IGF1: variants seen among roughly 807,000 people sequenced by gnomAD.
The protein encoded by IGF1 is insulin-like growth factor 1.
In IGF1, 4 loss-of-function variants were observed where a neutral mutation model predicts 13.8. The ratio of observed to expected loss-of-function variants is 0.29; its 90% CI spans 0.14 to 0.66. The LOEUF is 0.66. Ranked by LOEUF, IGF1 falls within the 30% of genes least tolerant of loss-of-function variation. The pLI is 0.78. For synonymous variants in IGF1, 76 were observed against 72.6 expected (o/e 1.05, Z -0.23); for missense variants, 124 against 188.5 (o/e 0.66, Z 2.00).
At chr12:102,456,768 G>A (rs1879441935) in intron 2 of IGF1, among the ~76,000 whole-genome samples, 3 of 152,012 alleles carry the variant, frequency 2.0e-5, no homozygotes, top group Admixed American at 2.0e-4. Flanking sequence ...TGTAATTCCA[G>A]TCCACAGAAA....
chr12:102,417,882 T>C (rs749357232), intron 3 of IGF1: 48 of 1,613,932 alleles, frequency 3.0e-5, no homozygotes, highest in Non-Finnish European at 3.9e-5. Context: ...CTGCTCTTTC[T>C]TCTTTCCTCT....
chr12:102,421,329 C>T (rs544261733), intron 2 of IGF1, among the ~76,000 whole-genome samples: 1 of 152,150 alleles, frequency 6.6e-6, no homozygotes, highest in Admixed American at 6.5e-5. Context: ...CTCAGCGGGT[C>T]CCCTGAGCAA....
chr12:102,398,788 T>C lies in IGF1; in HGVS notation c.*3719A>G, dbSNP rs1873437680. ...AAAAATATGTCTATGCTTTCTTTTT[T>C]TTCTTTTTTTCTTTTTTTTTTAGTC... is the stretch of plus-strand genomic sequence containing the variant. On this transcript the variant is annotated 3_prime_UTR_variant, in exon 4 of 4. Coordinates refer to ENST00000337514, the MANE Select transcript of IGF1 (RefSeq NM_000618.5). 6.6e-6 allele frequency: 1 copy of C among 152,318 alleles called. No homozygotes were observed. The allele number at this position is 152,318 out of a possible 1,614,324, so 9.4% of individuals were successfully genotyped here. A position where few individuals can be genotyped will look rare whatever the true frequency, so the allele number is the denominator to read the frequency against.
chr12:102,400,629 A>G lies in IGF1; in HGVS notation c.*1878T>C, dbSNP rs993393278. 7 of 152,172 alleles carry G rather than the reference A, an allele frequency of 4.6e-5. No individual in the cohort carries two copies. The highest frequency in any genetic ancestry group is 7.4e-5 in the Non-Finnish European group (5 of 68,016). 9.4% of individuals were successfully genotyped at this position (152,172 alleles called of 1,614,324 possible). On this transcript the variant is annotated 3_prime_UTR_variant, in exon 4 of 4. Transcript: ENST00000337514. ...AGATAACTTTGTGACTTTTTATTAG[A>G]TATTATTTTAATATTTCAAATTTTG...
chr12:102,415,059 C>T lies in IGF1; in HGVS notation c.402+4450G>A, dbSNP rs555973337. 5.9e-5 allele frequency among the ~76,000 whole-genome samples: 9 copies of T among 152,312 alleles called. No homozygotes were observed. In the East Asian group the frequency reaches 7.7e-4, roughly 13 times the overall value. Reference sequence around the variant, plus strand: ...CCTTGAACAATTTCAATTTGGCCAGCGAAGGAAATTCCAAACATACAATAC... The same window carrying T: ...CCTTGAACAATTTCAATTTGGCCAGTGAAGGAAATTCCAAACATACAATAC... On this transcript the variant is annotated intron_variant, in intron 3 of 3. Transcript: ENST00000337514.
In IGF1 at chr12:102,480,396, A is replaced by C; in HGVS notation, c.-15T>G. 6.2e-7 allele frequency: 1 copy of C among 1,613,430 alleles called. No individual in the cohort carries two copies. Among genetic ancestry groups the C allele is most frequent in the East Asian group, 2.2e-5 (1 of 44,862 alleles). On this transcript the variant is annotated 5_prime_UTR_variant, in exon 1 of 4. Coordinates refer to ENST00000337514, the MANE Select transcript of IGF1 (RefSeq NM_000618.5). The stretch of plus-strand genomic sequence containing the variant: ...ATTTTTCCCATTGCTTCTGAAGTAC[A>C]AAGTCTGAAAATGAATTGGTTAGCA...
intron 3 of IGF1, among the ~76,000 whole-genome samples, chr12:102,415,543 T>TTCCGTCC (rs1875017508): frequency 1.2e-5 from 1 of 81,722 alleles, no homozygotes; most frequent in African/African-American, 5.2e-5. Flanking sequence ...CTTCCTTCCC[T>TTCCGTCC]TTCCTTCCTT....
At chr12:102,448,689 TAAAAAAAAAAA>T (rs58794507) in intron 2 of IGF1, among the ~76,000 whole-genome samples, 5 of 110,308 alleles carry the variant, frequency 4.5e-5, no homozygotes, top group East Asian at 6.1e-4. Context: ...TAGAGTATAA[TAAAAAAAAAAA>T]AAAAAAAAAA....
chr12:102,447,720 T>A (rs1165658246), intron 2 of IGF1, among the ~76,000 whole-genome samples: 1 of 152,158 alleles, frequency 6.6e-6, no homozygotes, highest in Non-Finnish European at 1.5e-5. Flanking sequence ...CATTTCCATA[T>A]GCAGAAAATT....
Position 102,432,510 on chromosome 12 carries a change from A to G in IGF1, c.221-12820T>C, listed in dbSNP as rs931972377. ...AGGACCAGAGGAATTTAATCAACAA[A>G]GCAGAGAATTATATCCAGATTTTCT... On this transcript the variant is annotated intron_variant, in intron 2 of 3. Transcript: ENST00000337514. 4.4e-4 allele frequency among the ~76,000 whole-genome samples: 67 copies of G among 152,244 alleles called. 2 individuals carry two copies. The highest frequency in any genetic ancestry group is 1.5e-5 in the Non-Finnish European group (1 of 68,044).
intron 3 of IGF1, among the ~76,000 whole-genome samples, chr12:102,410,968 A>G (rs1189430320): frequency 6.6e-6 from 1 of 152,234 alleles, no homozygotes; most frequent in African/African-American, 2.4e-5. Context: ...TGCTATTCCA[A>G]GGCAGAGAAT....
At chr12:102,457,731 A>G (rs969061939) in intron 2 of IGF1, among the ~76,000 whole-genome samples, 7 of 152,200 alleles carry the variant, frequency 4.6e-5, no homozygotes, top group African/African-American at 1.7e-4. Context: ...AGAATAAGAG[A>G]AAAAAATGTT....
intron 2 of IGF1, among the ~76,000 whole-genome samples, chr12:102,445,390 G>C (rs1878226409): frequency 6.6e-6 from 1 of 152,268 alleles, no homozygotes; most frequent in South Asian, 2.1e-4. Context: ...TTTTCCATTT[G>C]TTTGTGTCCT....
chr12:102,399,107 ATGTGTGTGTGTGTGTGTGTGTGTGTG>A lies in IGF1; in HGVS notation c.*3374_*3399del. Reference sequence around the variant, plus strand: ...GTATTCCATTGGATCCTTAGGGTGAATGTGTGTGTGTGTGTGTGTGTGTGTGTGTGTGTGTGTGTCTGTGTATGTAG... The same window carrying A: ...GTATTCCATTGGATCCTTAGGGTGAATGTGTGTGTGTGTCTGTGTATGTAG... On this transcript the variant is annotated 3_prime_UTR_variant, in exon 4 of 4. Coordinates refer to ENST00000337514, the MANE Select transcript of IGF1 (RefSeq NM_000618.5). 7.3e-6 allele frequency: 1 copy of A among 137,692 alleles called. No homozygotes were observed. Among genetic ancestry groups the A allele is most frequent in the Admixed American group, 7.4e-5 (1 of 13,562 alleles). The allele number at this position is 137,692 out of a possible 1,614,324, so 8.5% of individuals were successfully genotyped here.
At chr12:102,459,289 T>A (rs1879706899) in intron 2 of IGF1, among the ~76,000 whole-genome samples, 1 of 152,144 alleles carries the variant, frequency 6.6e-6, no homozygotes. Flanking sequence ...TACATAGCCA[T>A]GAATGGTCCC....
intron 2 of IGF1, chr12:102,462,844 G>GAGAACACAGTCATCCCTTTAATAGAGAAC (rs2137207081): frequency 6.6e-6 from 1 of 152,304 alleles, no homozygotes; most frequent in Admixed American, 6.5e-5. Context: ...CATCCATGTT[G>GAGAACACAGTCATCCCTTTAATAGAGAAC]AGAACACAGT....
At chr12:102,427,331 A>G (rs1876297995) in intron 2 of IGF1, among the ~76,000 whole-genome samples, 1 of 152,048 alleles carries the variant, frequency 6.6e-6, no homozygotes, top group Non-Finnish European at 1.5e-5. Context: ...ACTCTTTCAG[A>G]TGTGGGAAGA....
chr12:102,452,317 A>G (rs950568445), intron 2 of IGF1, among the ~76,000 whole-genome samples: 1 of 149,184 alleles, frequency 6.7e-6, no homozygotes, highest in Admixed American at 6.7e-5. Flanking sequence ...CTGCCATGAT[A>G]AGTTTCCTGA....
intron 2 of IGF1, among the ~76,000 whole-genome samples, chr12:102,441,605 C>T (rs909321997): frequency 6.6e-6 from 1 of 152,148 alleles, no homozygotes; most frequent in Non-Finnish European, 1.5e-5. Context: ...AGCTCGTGGG[C>T]AGAGGATGGG....
Sources: gnomAD v4.1 joint callset for allele counts (sites outside exome capture counted in the v4.1 genomes callset) on GRCh38, gnomAD v4.1.1 for gene constraint, MANE v1.5 for transcripts, NCBI Gene and HGNC (gene_info 2026-07-23, HGNC 2026-07-21) for gene names.